Variants in NAA16 observed in about 807,000 individuals in gnomAD.
The protein encoded by NAA16 is N-alpha-acetyltransferase 16, NatA auxiliary subunit.
In NAA16, 97 loss-of-function variants were observed where a neutral mutation model predicts 110.3. The ratio of observed to expected loss-of-function variants is 0.88; its 90% confidence interval spans 0.75 to 1.04. The LOEUF (loss-of-function observed/expected upper bound fraction) is 1.04. Ranked by LOEUF, NAA16 falls within the 50% of genes least tolerant of loss-of-function variation. The pLI is 0.00. For missense variants in NAA16, 1,017 were observed against 1,005.1 expected (o/e 1.01, Z -0.16); for synonymous variants, 372 against 330.6 (o/e 1.13, Z -1.36).
rs1009848320 is a variant in NAA16, at chr13:41,372,717, T to C, written c.2057-15T>C. ...AAGTATTAATGCTATTACTTTTGTA[T>C]TTTTTCTGACACAGGAAAGTTTCTG... On this transcript the variant is annotated splice_polypyrimidine_tract_variant and intron_variant, in intron 16 of 19. Transcript: ENST00000379406. 6.3e-7 allele frequency: 1 copy of C among 1,583,520 alleles called. No individual in the cohort carries two copies. Among genetic ancestry groups the C allele is most frequent in the South Asian group, 1.2e-5 (1 of 86,026 alleles).
chr13:41,349,885 C>T (rs935313633), intron 9 of NAA16, among the ~76,000 whole-genome samples: 9 of 151,490 alleles, frequency 5.9e-5, no homozygotes, highest in Non-Finnish European at 1.2e-4. Flanking sequence ...CGCTTGAACC[C>T]GGGAGGGGGC....
At position 41,373,823 on chromosome 13, in the gene NAA16, C is replaced by T. The variant is rs762880217; in HGVS notation, c.2299+43C>T. 7 of 1,538,608 alleles carry T rather than the reference C, an allele frequency of 4.5e-6. No individual in the cohort carries two copies. The South Asian group carries it at 6.4e-5, about 14-fold the overall frequency. On this transcript the variant is annotated intron_variant, in intron 18 of 19. Transcript: ENST00000379406. ...AGGGTTAAAATACTTATGGAAAAAG[C>T]GAACAAAGAGAAAGCTTTGACACCC...
intron 13 of NAA16, chr13:41,362,789 GTCC>G (rs1423999230): frequency 7.8e-7 from 1 of 1,289,770 alleles, no homozygotes; most frequent in African/African-American, 1.5e-5. Context: ...CCCTGAGGCA[GTCC>G]TCAGCAGCCC....
chr13:41,330,260 A>G (rs1268819210), intron 7 of NAA16, among the ~76,000 whole-genome samples: 2 of 151,850 alleles, frequency 1.3e-5, no homozygotes, highest in Admixed American at 1.3e-4. Context: ...TGGAGCTCCA[A>G]AACATATTAC....
At chr13:41,328,441 A>G (rs1462054746) in intron 6 of NAA16, among the ~76,000 whole-genome samples, 1 of 152,130 alleles carries the variant, frequency 6.6e-6, no homozygotes, top group African/African-American at 2.4e-5. Flanking sequence ...TACTTATTTC[A>G]AAGAGTATAA....
At chr13:41,317,689 G>C (rs944042411) in intron 2 of NAA16, among the ~76,000 whole-genome samples, 2 of 152,160 alleles carry the variant, frequency 1.3e-5, no homozygotes, top group African/African-American at 4.8e-5. Flanking sequence ...TTTAAAGCTT[G>C]TTTTCAAGCT....
intron 18 of NAA16, chr13:41,374,529 A>G: frequency 2.5e-6 from 1 of 392,214 alleles, no homozygotes; most frequent in Non-Finnish European, 4.6e-6. Flanking sequence ...TTTTCATGAT[A>G]TAAATACTCT....
chr13:41,344,453 C>G (rs1211096649), intron 9 of NAA16, among the ~76,000 whole-genome samples: 2 of 152,094 alleles, frequency 1.3e-5, no homozygotes, highest in African/African-American at 4.8e-5. Flanking sequence ...GGATTTTTTC[C>G]CCTTGGGACA....
Position 41,311,463 on chromosome 13 carries a change from C to T in NAA16, c.-66C>T. 1 of 1,502,132 alleles carries T rather than the reference C, an allele frequency of 6.7e-7. No homozygotes were observed. 93.1% of individuals were successfully genotyped at this position (1,502,132 alleles called of 1,614,324 possible). A position where few individuals can be genotyped will look rare whatever the true frequency, so the allele number is the denominator to read the frequency against. On this transcript the variant is annotated 5_prime_UTR_variant, in exon 1 of 20. Coordinates refer to ENST00000379406, the MANE Select transcript of NAA16 (RefSeq NM_024561.5). Reference sequence around the variant, plus strand: ...GCAGCGGTTCGTCCCGGTGCCCACCCCCGCGAAGCGGAGCGCCCGGGCACC... The same window carrying T: ...GCAGCGGTTCGTCCCGGTGCCCACCTCCGCGAAGCGGAGCGCCCGGGCACC...
chr13:41,318,866 A>C lies in NAA16; in HGVS notation c.200A>C (p.Glu67Ala), dbSNP rs2041875037. ...NCLGKKEEAY[E>A]FVRKGLRNDV... ...TTAGGAAAAAAAGAAGAAGCTTATG[A>C]GTTTGTTCGTAAAGGACTTCGTAAT... The change falls in exon 3 of 20, where the codon GAG becomes GCG. Residue 67 changes from glutamate to alanine, a missense_variant. Glu to Ala is a moderately radical substitution (Grantham distance 107). Coordinates refer to ENST00000379406, the MANE Select transcript of NAA16 (RefSeq NM_024561.5). The C allele has an allele frequency of 6.2e-7, 1 of 1,604,956 alleles. No homozygotes were observed. The highest frequency in any genetic ancestry group is 1.7e-5 in the Admixed American group (1 of 58,804).
chr13:41,325,709 C>T lies in NAA16; in HGVS notation c.549C>T (p.Asn183=). 3 of 1,569,936 alleles carry T rather than the reference C, an allele frequency of 1.9e-6. No homozygotes were observed. In the South Asian group the frequency reaches 3.6e-5, roughly 19 times the overall value. ...EFRQTQQVPP[N]KIDYEYSELI... Reference sequence around the variant, plus strand: ...TCATTTTTTTTCAGGTTCCTCCAAACAAAATAGATTATGAATATAGTGAAT... The same window carrying T: ...TCATTTTTTTTCAGGTTCCTCCAAATAAAATAGATTATGAATATAGTGAAT... Residue 183 remains asparagine, a synonymous_variant, in exon 6 of 20, where the codon AAC becomes AAT. Coordinates refer to ENST00000379406, the MANE Select transcript of NAA16 (RefSeq NM_024561.5).
intron 5 of NAA16, among the ~76,000 whole-genome samples, chr13:41,324,957 G>GTTTTTT (rs145690016): frequency 1.0e-4 from 12 of 119,428 alleles, no homozygotes; most frequent in Non-Finnish European, 1.6e-4. Context: ...TTTTAGTTTA[G>GTTTTTT]TTTTTTTTTT....
chr13:41,347,653 C>A (rs2042721625), intron 9 of NAA16, among the ~76,000 whole-genome samples: 1 of 152,036 alleles, frequency 6.6e-6, no homozygotes, highest in Non-Finnish European at 1.5e-5. Flanking sequence ...TTATTCTTTG[C>A]TAGTATATGG....
At chr13:41,363,973 T>C (rs549760475) in intron 13 of NAA16, among the ~76,000 whole-genome samples, 5 of 152,146 alleles carry the variant, frequency 3.3e-5, no homozygotes, top group African/African-American at 4.8e-5. Context: ...ATGTGTTTCG[T>C]ATAAATAGGG....
chr13:41,337,363 G>A (rs552095759), intron 9 of NAA16, among the ~76,000 whole-genome samples: 13 of 152,112 alleles, frequency 8.5e-5, no homozygotes, highest in Non-Finnish European at 7.4e-5. Context: ...CGAACACGGT[G>A]AAACCCCATC....
chr13:41,341,318 G>C (rs761153691), intron 9 of NAA16, among the ~76,000 whole-genome samples: 3 of 152,040 alleles, frequency 2.0e-5, no homozygotes, highest in Non-Finnish European at 4.4e-5. Context: ...AATTTTTTGT[G>C]GATATCATCT....
intron 13 of NAA16, among the ~76,000 whole-genome samples, chr13:41,367,206 A>G (rs900650891): frequency 6.6e-6 from 1 of 152,202 alleles, no homozygotes; most frequent in Non-Finnish European, 1.5e-5. Flanking sequence ...GAAGTTGAGT[A>G]TCATCACAAA....
At chr13:41,314,717 G>A (rs185902979) in intron 1 of NAA16, among the ~76,000 whole-genome samples, 50 of 152,266 alleles carry the variant, frequency 3.3e-4, no homozygotes, top group African/African-American at 1.1e-3. Flanking sequence ...TAAGGCCGGC[G>A]CAGTGGCTCA....
intron 1 of NAA16, among the ~76,000 whole-genome samples, chr13:41,316,383 TG>T (rs1359182138): frequency 6.6e-6 from 1 of 151,370 alleles, no homozygotes; most frequent in Admixed American, 6.6e-5. Flanking sequence ...CTCTGCTCAC[TG>T]CAACCTCTGC....
Sources: gnomAD v4.1 joint callset for allele counts (sites outside exome capture counted in the v4.1 genomes callset) on GRCh38, gnomAD v4.1.1 for gene constraint, MANE v1.5 for transcripts, NCBI Gene and HGNC (gene_info 2026-07-23, HGNC 2026-07-21) for gene names.